Variants in TBC1D23 observed in about 807,000 individuals in gnomAD.
TBC1D23 encodes HCV non-structural protein 4A-transactivated protein 1.
In TBC1D23, 55 loss-of-function variants were observed where a neutral mutation model predicts 91.4. The observed-to-expected ratio is 0.60, with a 90% CI of 0.48 to 0.75. TBC1D23 has a LOEUF of 0.75. Among genes scored for constraint, TBC1D23 ranks in the 30% least tolerant of loss-of-function variants. The pLI is 0.00. For synonymous variants in TBC1D23, 289 were observed against 281.0 expected (o/e 1.03, Z -0.28); for missense variants, 725 against 836.1 (o/e 0.87, Z 1.64).
At position 100,261,539 on chromosome 3, in the gene TBC1D23, T is replaced by G. The variant is rs138049694; in HGVS notation, c.53+468T>G. 4.7e-3 allele frequency: 737 copies of G among 156,476 alleles called. 2 individuals are homozygous for G. The highest frequency in any genetic ancestry group is 6.4e-3 in the Non-Finnish European group (448 of 70,534). 9.7% of individuals were successfully genotyped at this position (156,476 alleles called of 1,614,324 possible). A position where few individuals can be genotyped will look rare whatever the true frequency, so the allele number is the denominator to read the frequency against. ...TTGACCCGAGGAGAATCCCTCCCAC[T>G]TAGTTGGTATACTTTTTTTTATTCT... is the stretch of plus-strand genomic sequence containing the variant. On this transcript the variant is annotated intron_variant, in intron 1 of 18. Coordinates refer to ENST00000394144, the MANE Select transcript of TBC1D23 (RefSeq NM_001199198.3).
intron 1 of TBC1D23, among the ~76,000 whole-genome samples, chr3:100,263,141 A>C (rs1559797528): frequency 6.6e-6 from 1 of 152,146 alleles, no homozygotes; most frequent in Non-Finnish European, 1.5e-5. Context: ...GTTTTATAGG[A>C]TTTGGGTAGA....
chr3:100,304,200 G>C (rs1283509462), intron 11 of TBC1D23, among the ~76,000 whole-genome samples: 3 of 152,084 alleles, frequency 2.0e-5, no homozygotes, highest in Non-Finnish European at 4.4e-5. Context: ...TCTGGATTTT[G>C]CTGATTACAT....
At chr3:100,287,178 T>C (rs2067751311) in intron 4 of TBC1D23, among the ~76,000 whole-genome samples, 1 of 152,040 alleles carries the variant, frequency 6.6e-6, no homozygotes, top group African/African-American at 2.4e-5. Context: ...AGTTGCTTGA[T>C]CTCGGCTCAC....
chr3:100,297,094 G>A (rs1480669469), intron 8 of TBC1D23, among the ~76,000 whole-genome samples: 1 of 152,118 alleles, frequency 6.6e-6, no homozygotes, highest in Non-Finnish European at 1.5e-5. Context: ...GAAACTCTAA[G>A]AAGCAAAAGC....
At chr3:100,284,084 C>G (rs960508809) in intron 4 of TBC1D23, 5 of 343,688 alleles carry the variant, frequency 1.5e-5, no homozygotes, top group African/African-American at 8.3e-5. Context: ...TACAAAATAG[C>G]AAATAGGTGT....
At chr3:100,318,658 T>G (rs889552948) in intron 16 of TBC1D23, among the ~76,000 whole-genome samples, 2 of 151,548 alleles carry the variant, frequency 1.3e-5, no homozygotes, top group Non-Finnish European at 2.9e-5. Context: ...TTTTTTTTTT[T>G]TTTCTTTTTT....
chr3:100,317,138 T>C (rs1014957228), intron 16 of TBC1D23, among the ~76,000 whole-genome samples: 3 of 152,062 alleles, frequency 2.0e-5, no homozygotes, highest in Admixed American at 2.0e-4. Flanking sequence ...CAGCTTATCC[T>C]AATTAAGCAA....
intron 1 of TBC1D23, among the ~76,000 whole-genome samples, chr3:100,262,278 T>TGG (rs564455784): frequency 5.3e-4 from 81 of 152,230 alleles, no homozygotes; most frequent in Admixed American, 1.8e-3. Context: ...AGGTTGGCGG[T>TGG]GGGGGCTGGG....
At chr3:100,317,696 G>C (rs924263950) in intron 16 of TBC1D23, among the ~76,000 whole-genome samples, 5 of 77,518 alleles carry the variant, frequency 6.5e-5, no homozygotes, top group Admixed American at 4.7e-4. Context: ...ATCTCTTTCT[G>C]TTAACTCTCT....
intron 4 of TBC1D23, among the ~76,000 whole-genome samples, chr3:100,284,355 T>TAA (rs1478946261): frequency 7.3e-6 from 1 of 137,408 alleles, no homozygotes; most frequent in African/African-American, 2.5e-5. Flanking sequence ...TTCTAGAGTT[T>TAA]ATATATATAA....
At position 100,306,401 on chromosome 3, in the gene TBC1D23, T is replaced by C. The variant is rs1377704016; in HGVS notation, c.1307-36T>C. ...TGAATTTTTCCAAAGAGTGTTGATA[T>C]TTTAGGTTTTTCTTTTTTTTTTAAT... is the stretch of plus-strand genomic sequence containing the variant. On this transcript the variant is annotated intron_variant, in intron 12 of 18. Transcript: ENST00000394144. 3 of 1,255,014 alleles carry C rather than the reference T, an allele frequency of 2.4e-6. No individual in the cohort carries two copies. The Admixed American group carries it at 5.6e-5, about 24-fold the overall frequency. The allele number at this position is 1,255,014 out of a possible 1,614,324, so 77.7% of individuals were successfully genotyped here. A position where few individuals can be genotyped will look rare whatever the true frequency, so the allele number is the denominator to read the frequency against.
At chr3:100,305,350 G>A (rs1316374082) in intron 12 of TBC1D23, among the ~76,000 whole-genome samples, 1 of 152,100 alleles carries the variant, frequency 6.6e-6, no homozygotes, top group African/African-American at 2.4e-5. Flanking sequence ...CAGAACTGCA[G>A]ACTAATATTT....
intron 13 of TBC1D23, among the ~76,000 whole-genome samples, chr3:100,306,998 C>T (rs911627564): frequency 6.6e-6 from 1 of 152,216 alleles, no homozygotes; most frequent in Non-Finnish European, 1.5e-5. Context: ...ATCCCCATCA[C>T]AGACTTAAAT....
At chr3:100,295,502 C>T (rs1276054385) in intron 7 of TBC1D23, among the ~76,000 whole-genome samples, 154 bp downstream of exon 7, 1 of 152,138 alleles carries the variant, frequency 6.6e-6, no homozygotes, top group East Asian at 1.9e-4. Context: ...AGGTACAGAC[C>T]TTAAAGACTA....
At chr3:100,314,271 A>T (rs373759759) in intron 15 of TBC1D23, among the ~76,000 whole-genome samples, 6 of 151,580 alleles carry the variant, frequency 4.0e-5, no homozygotes, top group Admixed American at 4.0e-4. Flanking sequence ...GCTGATTTTT[A>T]AATTTTAGTA....
intron 4 of TBC1D23, among the ~76,000 whole-genome samples, chr3:100,290,102 C>T (rs149271774): frequency 6.4e-4 from 98 of 152,224 alleles, no homozygotes; most frequent in African/African-American, 1.8e-3. Flanking sequence ...GTACTTGGGC[C>T]GCTTCAACAG....
At position 100,276,500 on chromosome 3, in the gene TBC1D23, T is replaced by C. The variant is rs1229572811; in HGVS notation, c.54-3149T>C. ...ATTAAATTTGGTAGTGCTTGAAAATTCATGCTTCCTTCTCCCATACATTGT... is the reference window on the plus strand; with the variant it reads ...ATTAAATTTGGTAGTGCTTGAAAATCCATGCTTCCTTCTCCCATACATTGT... On this transcript the variant is annotated intron_variant, in intron 1 of 18. Transcript: ENST00000394144. 5.9e-5 allele frequency among the ~76,000 whole-genome samples: 9 copies of C among 152,194 alleles called. No individual in the cohort carries two copies. In the East Asian group the frequency reaches 1.7e-3, roughly 29 times the overall value.
At chr3:100,311,255 G>C (rs1378428879) in intron 14 of TBC1D23, among the ~76,000 whole-genome samples, 2 of 152,170 alleles carry the variant, frequency 1.3e-5, no homozygotes, top group Non-Finnish European at 2.9e-5. Context: ...ATGTCTTGCA[G>C]TATCCTGGGA....
rs1484668216 is a variant in TBC1D23 at position 100,325,102 on chromosome 3, C to G, written c.*1434C>G. ...AATTGCATTTTTTCCCTTTTCTTGG[C>G]ACCCCTTTAGAAATGTACTGAAGTC... is the stretch of plus-strand genomic sequence containing the variant. On this transcript the variant is annotated 3_prime_UTR_variant, in exon 19 of 19. Coordinates refer to ENST00000394144, the MANE Select transcript of TBC1D23 (RefSeq NM_001199198.3). 6.6e-6 allele frequency: 1 copy of G among 152,210 alleles called. No individual in the cohort carries two copies. Among genetic ancestry groups the G allele is most frequent in the Non-Finnish European group, 1.5e-5 (1 of 68,042 alleles). 9.4% of individuals were successfully genotyped at this position (152,210 alleles called of 1,614,324 possible).
Sources: gnomAD v4.1 joint callset for allele counts (sites outside exome capture counted in the v4.1 genomes callset) on GRCh38, gnomAD v4.1.1 for gene constraint, MANE v1.5 for transcripts, NCBI Gene and HGNC (gene_info 2026-07-23, HGNC 2026-07-21) for gene names.